Variants in SRP54 observed in about 807,000 individuals in gnomAD.
The protein encoded by SRP54 is signal recognition particle 54.
In SRP54, 10 loss-of-function variants were observed where a neutral mutation model predicts 64.8. The observed-to-expected ratio is 0.15, with a 90% confidence interval of 0.10 to 0.26. The LOEUF (loss-of-function observed/expected upper bound fraction) is 0.26. Ranked by LOEUF, SRP54 falls within the 10% of genes least tolerant of loss-of-function variation. The pLI, the probability that SRP54 is intolerant of heterozygous loss-of-function variation, is 1.00. For synonymous variants in SRP54, 193 were observed against 185.6 expected, an observed-to-expected ratio of 1.04 and a Z score of -0.32; for missense variants, 325 against 613.7, an observed-to-expected ratio of 0.53 and a Z score of 4.97.
chr14:35,012,140 C>T (rs151232330), intron 8 of SRP54, among the ~76,000 whole-genome samples: 20 of 150,446 alleles, frequency 1.3e-4, no homozygotes, highest in Non-Finnish European at 1.8e-4. Context: ...AGCTTGAACC[C>T]GGGAGGCAGA....
chr14:35,001,832 T>C (rs1053243130), intron 4 of SRP54, among the ~76,000 whole-genome samples: 3 of 152,054 alleles, frequency 2.0e-5, no homozygotes, highest in Non-Finnish European at 4.4e-5. Context: ...ATCATGCAAA[T>C]TATGGTGAAA....
At chr14:35,028,017 T>A (rs768178993) in intron 14 of SRP54, 71 bp from the exon 15 acceptor site, 117 of 888,488 alleles carry the variant, frequency 1.3e-4, no homozygotes, top group Non-Finnish European at 1.8e-4. Flanking sequence ...TCAAACTTTC[T>A]ATTATACCCT....
At chr14:35,005,262 G>T (rs2044238094) in intron 4 of SRP54, among the ~76,000 whole-genome samples, 1 of 152,150 alleles carries the variant, frequency 6.6e-6, no homozygotes, top group Admixed American at 6.5e-5. Flanking sequence ...GAGTCCAAGA[G>T]TTCGAGACTG....
At chr14:34,984,908 C>G (rs2043869692) in intron 1 of SRP54, among the ~76,000 whole-genome samples, 14 of 141,518 alleles carry the variant, frequency 9.9e-5, no homozygotes. Context: ...CTTCACCTTC[C>G]TTTTTTTTTT....
At chr14:34,995,243 G>T (rs2044054625) in intron 1 of SRP54, among the ~76,000 whole-genome samples, 2 of 146,254 alleles carry the variant, frequency 1.4e-5, no homozygotes, top group African/African-American at 2.5e-5. Flanking sequence ...TAAGGAATTG[G>T]CTCAGGCCGT....
At chr14:35,017,068 T>C (rs2044455768) in intron 11 of SRP54, among the ~76,000 whole-genome samples, 2 of 152,152 alleles carry the variant, frequency 1.3e-5, no homozygotes, top group African/African-American at 4.8e-5. Context: ...GTGGCCAGGC[T>C]GATCTCGAAC....
chr14:35,010,997 G>A (rs1415811955), intron 7 of SRP54, among the ~76,000 whole-genome samples: 1 of 152,096 alleles, frequency 6.6e-6, no homozygotes, highest in African/African-American at 2.4e-5. Flanking sequence ...ATGATCATAA[G>A]CTCACTGCAG....
In SRP54 at chr14:35,022,867, G is replaced by A. The variant is rs1047668660; in HGVS notation, c.1157-43G>A. The stretch of plus-strand genomic sequence containing the variant: ...CCATTTGCACATAACTGCTTTGATG[G>A]TGAATGATAATTGTGTGTGAGAGTA... On this transcript the variant is annotated intron_variant, in intron 13 of 15. Coordinates refer to ENST00000216774, the MANE Select transcript of SRP54 (RefSeq NM_003136.4). The A allele has an allele frequency of 5.9e-6, 9 of 1,512,700 alleles. No individual in the cohort carries two copies. The African/African-American group carries it at 1.1e-4, about 19-fold the overall frequency. 93.7% of individuals were successfully genotyped at this position (1,512,700 alleles called of 1,614,324 possible).
At chr14:35,016,603 A>G (rs1417884616) in intron 11 of SRP54, among the ~76,000 whole-genome samples, 1 of 152,154 alleles carries the variant, frequency 6.6e-6, no homozygotes, top group South Asian at 2.1e-4. Context: ...CCCTAGACTG[A>G]GTTGGAACCT....
chr14:35,027,733 G>C (rs1403750599), intron 14 of SRP54: 1 of 154,574 alleles, frequency 6.5e-6, no homozygotes, highest in Non-Finnish European at 1.4e-5. Context: ...TCTAGCCTGG[G>C]TGACAGAGCA....
intron 14 of SRP54, among the ~76,000 whole-genome samples, chr14:35,025,217 C>T (rs2044602546): frequency 6.6e-6 from 1 of 152,110 alleles, no homozygotes; most frequent in African/African-American, 2.4e-5. Flanking sequence ...TGCCTTGAAA[C>T]CCATTAAAAT....
intron 3 of SRP54, among the ~76,000 whole-genome samples, chr14:35,000,099 T>A (rs2044145696): frequency 6.6e-6 from 1 of 152,166 alleles, no homozygotes. Context: ...AATTAATGTG[T>A]TTGGTCTCAG....
At position 34,986,685 on chromosome 14, in the gene SRP54, C is replaced by T. The variant is rs890373571; in HGVS notation, c.-34+3470C>T. ...ATGATGTCAGGAGTTCAAGACCAGC[C>T]TGGCCAAGATAGTGAAAACCCATCT... On this transcript the variant is annotated intron_variant, in intron 1 of 15. Coordinates refer to ENST00000216774, the MANE Select transcript of SRP54 (RefSeq NM_003136.4). 1.2e-4 allele frequency among the ~76,000 whole-genome samples: 18 copies of T among 152,118 alleles called. 1 individual carries two copies. The highest frequency in any genetic ancestry group is 3.4e-3 in the Middle Eastern group (1 of 294).
chr14:35,016,589 T>G (rs1363075142), intron 11 of SRP54, among the ~76,000 whole-genome samples: 1 of 152,254 alleles, frequency 6.6e-6, no homozygotes, highest in Non-Finnish European at 1.5e-5. Context: ...ACATTTCACC[T>G]GAACCCTAGA....
At chr14:35,012,713 A>G (rs2044374265) in intron 8 of SRP54, among the ~76,000 whole-genome samples, 2 of 152,042 alleles carry the variant, frequency 1.3e-5, no homozygotes, top group Non-Finnish European at 2.9e-5. Flanking sequence ...TTACTAGAAA[A>G]TGCCTCCCAT....
chr14:35,013,769 T>C, intron 9 of SRP54, 33 bp from the exon 10 acceptor site: 1 of 1,564,368 alleles, frequency 6.4e-7, no homozygotes, highest in Non-Finnish European at 8.7e-7. Flanking sequence ...GGGGTTCTTT[T>C]GAGGTTATTT....
intron 1 of SRP54, among the ~76,000 whole-genome samples, chr14:34,986,718 A>C (rs538440014): frequency 9.2e-5 from 14 of 152,176 alleles, no homozygotes; most frequent in Admixed American, 8.5e-4. Flanking sequence ...TCTCTACTAC[A>C]AATATAAAAA....
At chr14:34,988,578 A>AAAAATATATATATATAT (rs1384552218) in intron 1 of SRP54, among the ~76,000 whole-genome samples, 1 of 47,100 alleles carries the variant, frequency 2.1e-5, no homozygotes, top group Non-Finnish European at 4.8e-5. Flanking sequence ...AAAAAAAAAA[A>AAAAATATATATATATAT]ATATATATAT....
chr14:34,999,673 A>G (rs1361181400), intron 3 of SRP54, 24 bp downstream of exon 3: 2 of 1,534,314 alleles, frequency 1.3e-6, no homozygotes, highest in South Asian at 2.2e-5. Flanking sequence ...ATCAGGTAAA[A>G]CACAGGCACA....
Sources: gnomAD v4.1 joint callset for allele counts (sites outside exome capture counted in the v4.1 genomes callset) on GRCh38, gnomAD v4.1.1 for gene constraint, MANE v1.5 for transcripts, NCBI Gene and HGNC (gene_info 2026-07-23, HGNC 2026-07-21) for gene names.